Variants in PRRC2C observed in about 807,000 individuals in gnomAD.
PRRC2C encodes the protein proline rich coiled-coil 2C, also known as protein PRRC2C.
A neutral mutation model predicts 317.2 loss-of-function variants in PRRC2C; 72 were observed. The observed-to-expected ratio is 0.23, with a 90% confidence interval of 0.19 to 0.28. PRRC2C has a LOEUF of 0.28. Among genes scored for constraint, PRRC2C ranks in the 10% least tolerant of loss-of-function variants. The probability of loss-of-function intolerance (pLI) is 1.00; values close to 1 mark genes in which losing one functional copy is unlikely to be tolerated. For missense variants in PRRC2C, 3,074 were observed against 3,459.7 expected (o/e 0.89, Z 2.80); for synonymous variants, 1,296 against 1,205.9 (o/e 1.07, Z -1.55).
At chr1:171,571,516 TG>T (rs1189762810) in intron 24 of PRRC2C, 95 bp downstream of exon 24, 1 of 904,904 alleles carries the variant, frequency 1.1e-6, no homozygotes, top group East Asian at 2.6e-5. Flanking sequence ...TAGATTTATG[TG>T]GTAAGCAACA....
chr1:171,589,033 C>G (rs924767044), intron 33 of PRRC2C, among the ~76,000 whole-genome samples: 21 of 152,190 alleles, frequency 1.4e-4, no homozygotes, highest in Non-Finnish European at 4.4e-5. Flanking sequence ...CTTCAGATTA[C>G]ATTTGTTACA....
chr1:171,506,551 A>G (rs1195883458), intron 1 of PRRC2C, among the ~76,000 whole-genome samples: 1 of 147,868 alleles, frequency 6.8e-6, no homozygotes, highest in Non-Finnish European at 1.5e-5. Context: ...TGTAACACCA[A>G]TTACACATAG....
chr1:171,534,139 A>G (rs1241346815), intron 12 of PRRC2C, among the ~76,000 whole-genome samples: 1 of 152,160 alleles, frequency 6.6e-6, no homozygotes, highest in Non-Finnish European at 1.5e-5. Flanking sequence ...ATTTAACTAT[A>G]AAGGAGTATG....
At chr1:171,577,777 T>A in intron 26 of PRRC2C, 140 bp downstream of exon 26, 3 of 737,920 alleles carry the variant, frequency 4.1e-6, no homozygotes, top group Non-Finnish European at 6.2e-6. Context: ...TCGCATTTTT[T>A]TTTTTTTTTT....
At chr1:171,499,001 T>A (rs1278479296) in intron 1 of PRRC2C, among the ~76,000 whole-genome samples, 1 of 152,150 alleles carries the variant, frequency 6.6e-6, no homozygotes, top group Non-Finnish European at 1.5e-5. Context: ...GAGACCAAGA[T>A]CTCTCACTAA....
chr1:171,553,461 A>G (rs938959955), intron 18 of PRRC2C, among the ~76,000 whole-genome samples: 4 of 149,608 alleles, frequency 2.7e-5, no homozygotes, highest in African/African-American at 4.9e-5. Flanking sequence ...TTGTGTCTCT[A>G]TCTCCTTCAG....
chr1:171,542,640 C>T (rs1678163131), intron 16 of PRRC2C, among the ~76,000 whole-genome samples: 1 of 152,174 alleles, frequency 6.6e-6, no homozygotes, highest in Non-Finnish European at 1.5e-5. Context: ...CTTTGTCACT[C>T]TAGAGAGAGG....
At chr1:171,503,354 T>C (rs1309115574) in intron 1 of PRRC2C, among the ~76,000 whole-genome samples, 3 of 152,054 alleles carry the variant, frequency 2.0e-5, no homozygotes, top group Non-Finnish European at 4.4e-5. Context: ...CAAAACCCCA[T>C]CTTTACTAAA....
chr1:171,586,543 GTATTTTATTT>G (rs560341256), intron 30 of PRRC2C, among the ~76,000 whole-genome samples: 5,919 of 132,174 alleles, frequency 0.045, 209 homozygotes, highest in East Asian at 0.086. Flanking sequence ...TGTGTTCTAT[GTATTTTATTT>G]TATTTTATTT....
chr1:171,557,793 C>T lies in PRRC2C; in HGVS notation c.5681C>T (p.Thr1894Ile). 1 of 1,550,790 alleles carries T rather than the reference C, an allele frequency of 6.4e-7. No homozygotes were observed. Among genetic ancestry groups the T allele is most frequent in the African/African-American group, 1.4e-5 (1 of 73,100 alleles). The change falls in exon 19 of 35, where the codon ACT (threonine) becomes ATT (isoleucine). Residue 1894 changes from threonine to isoleucine, a missense_variant. This residue lies in a region of PRRC2C where 640 missense variants were observed against 676.1 expected (regional missense o/e 0.95). Transcript: ENST00000647382. The part of the protein sequence containing the change: ...SPAAPVITAP[T>I]IPASAPTASV... ...GCTGCCCCAGTCATCACAGCACCAACTATCCCAGCCTCAGCCCCAACTGCC... is the reference window on the plus strand; with the variant it reads ...GCTGCCCCAGTCATCACAGCACCAATTATCCCAGCCTCAGCCCCAACTGCC...
Position 171,540,181 on chromosome 1 carries a change from C to A in PRRC2C, c.2715C>A (p.Thr905=), listed in dbSNP as rs1677703152. 6.2e-7 allele frequency: 1 copy of A among 1,613,684 alleles called. No homozygotes were observed. The highest frequency in any genetic ancestry group is 8.5e-7 in the Non-Finnish European group (1 of 1,179,834). ...GTTTTGAAGCACCTGATCAAAAGAC[C>A]TTATCCGCTCCTCAAGAGGAGCGGA... ...SACFEAPDQK[T]LSAPQEERIS... The change falls in exon 16 of 35, where the codon ACC becomes ACA. Residue 905 remains threonine (T), a synonymous_variant. Transcript: ENST00000647382.
intron 28 of PRRC2C, among the ~76,000 whole-genome samples, chr1:171,583,193 C>G (rs1649088446): frequency 6.6e-6 from 1 of 152,142 alleles, no homozygotes; most frequent in South Asian, 2.1e-4. Context: ...AGGCTGGTCT[C>G]AAATTCCTGG....
chr1:171,573,582 A>G (rs1464408694), intron 24 of PRRC2C, among the ~76,000 whole-genome samples: 3 of 152,014 alleles, frequency 2.0e-5, no homozygotes, highest in Non-Finnish European at 4.4e-5. Context: ...TAAATATCTA[A>G]TGATAACAAT....
chr1:171,514,916 A>G (rs557208976), intron 4 of PRRC2C, among the ~76,000 whole-genome samples: 4 of 152,244 alleles, frequency 2.6e-5, no homozygotes, highest in African/African-American at 9.6e-5. Context: ...TGCATATCCA[A>G]GCAAAGCTTG....
chr1:171,532,985 T>G, intron 12 of PRRC2C, 24 bp downstream of exon 12: 3 of 1,505,926 alleles, frequency 2.0e-6, no homozygotes, highest in Non-Finnish European at 2.6e-6. Context: ...CTTCATTCTC[T>G]TTTAAAAACT....
rs79425268 is a variant in PRRC2C, at chr1:171,532,997, T to C, written c.1873+36T>C. ...ATTCTTCATTCTCTTTTAAAAACTT[T>C]ACAAAGAGCTTTATGTTGGTTACAG... On this transcript the variant is annotated intron_variant, in intron 12 of 34. Transcript: ENST00000647382. The C allele has an allele frequency of 1.1e-3, 1,664 of 1,492,266 alleles. 10 individuals carry two copies. In the African/African-American group the frequency reaches 0.017, roughly 15 times the overall value. 92.4% of individuals were successfully genotyped at this position (1,492,266 alleles called of 1,614,324 possible).
intron 22 of PRRC2C, among the ~76,000 whole-genome samples, chr1:171,567,554 CA>C (rs1417091610): frequency 6.6e-6 from 1 of 152,104 alleles, no homozygotes; most frequent in African/African-American, 2.4e-5. Context: ...TGCCATATTT[CA>C]AAATGAGATT....
At chr1:171,521,682 AATCTGCCTCTG>A (rs1490437792) in intron 6 of PRRC2C, among the ~76,000 whole-genome samples, 1 of 152,050 alleles carries the variant, frequency 6.6e-6, no homozygotes, top group African/African-American at 2.4e-5. Context: ...CTTATCCACA[AATCTGCCTCTG>A]ATTATTCTAC....
rs1677863709 is a variant in PRRC2C at position 171,541,113 on chromosome 1, A to G, written c.3647A>G (p.His1216Arg). Residue 1216 changes from histidine (H) to arginine (R), a missense_variant, in exon 16 of 35, where the codon CAC becomes CGC. Physicochemically the swap from His to Arg is conservative, Grantham distance 29. Transcript: ENST00000647382. The surrounding 1 kb of genome is among the most constrained non-coding windows in gnomAD (Gnocchi z 4.1). ...GGGCGTGGCAGGGGTGGTAGGGGACACACTCGAGATTATCCTCAGTATAGA... is the reference window on the plus strand; with the variant it reads ...GGGCGTGGCAGGGGTGGTAGGGGACGCACTCGAGATTATCCTCAGTATAGA... The part of the protein sequence containing the change: ...YGGRGRGGRG[H>R]TRDYPQYRDN... 1.4e-5 allele frequency: 22 copies of G among 1,613,846 alleles called. No individual in the cohort carries two copies. The highest frequency in any genetic ancestry group is 1.8e-5 in the Non-Finnish European group (21 of 1,179,860).
Sources: allele counts gnomAD v4.1 joint callset (sites outside exome capture counted in the v4.1 genomes callset), GRCh38; gene constraint gnomAD v4.1.1; regional missense constraint gnomAD v4.1.1; non-coding constraint Gnocchi (gnomAD v3.1); transcripts MANE v1.5; gene names NCBI Gene and HGNC (gene_info 2026-07-23, HGNC 2026-07-21).